C1orf21: variants seen among roughly 807,000 people sequenced by gnomAD.
C1orf21 encodes chromosome 1 open reading frame 21, also known as uncharacterized protein C1orf21.
A neutral mutation model predicts 18.7 loss-of-function variants in C1orf21; 3 were observed. The observed-to-expected ratio is 0.16, with a 90% CI of 0.07 to 0.42. The LOEUF (loss-of-function observed/expected upper bound fraction) is 0.42. C1orf21 is among the 10% of genes least tolerant of loss of function. The pLI is 0.99. For synonymous variants in C1orf21, 41 were observed against 46.4 expected, an observed-to-expected ratio of 0.88 and a Z score of 0.47; for missense variants, 104 against 143.6, an observed-to-expected ratio of 0.72 and a Z score of 1.41.
intron 5 of C1orf21, among the ~76,000 whole-genome samples, chr1:184,618,296 CT>C (rs1311255007): frequency 6.6e-6 from 1 of 151,692 alleles, no homozygotes; most frequent in East Asian, 1.9e-4. Flanking sequence ...GATTTAATCA[CT>C]TTATTACTAT....
chr1:184,401,418 G>A (rs1387371530), intron 1 of C1orf21, among the ~76,000 whole-genome samples: 3 of 151,868 alleles, frequency 2.0e-5, no homozygotes, highest in Non-Finnish European at 4.4e-5. Flanking sequence ...ACGGGGTTTC[G>A]CCACGCAGCC....
intron 1 of C1orf21, among the ~76,000 whole-genome samples, chr1:184,438,082 G>C (rs1171904614): frequency 6.6e-6 from 1 of 152,100 alleles, no homozygotes; most frequent in Non-Finnish European, 1.5e-5. Flanking sequence ...TGTGGGGCTT[G>C]GTTCCTAACA....
chr1:184,491,021 A>G (rs932170829), intron 2 of C1orf21, among the ~76,000 whole-genome samples: 2 of 152,110 alleles, frequency 1.3e-5, no homozygotes, highest in East Asian at 3.9e-4. Context: ...TTAATTTGGG[A>G]ACCAAACTGA....
intron 4 of C1orf21, among the ~76,000 whole-genome samples, chr1:184,591,103 G>A (rs1320843075): frequency 6.6e-6 from 1 of 152,112 alleles, no homozygotes; most frequent in Non-Finnish European, 1.5e-5. Context: ...TTATATCAGG[G>A]ATTTGAGAAT....
intron 1 of C1orf21, among the ~76,000 whole-genome samples, chr1:184,436,209 G>T (rs967745679): frequency 5.9e-5 from 9 of 152,204 alleles, no homozygotes; most frequent in Admixed American, 2.6e-4. Context: ...GTTACAACTT[G>T]TTGGAGGAAG....
intron 5 of C1orf21, among the ~76,000 whole-genome samples, chr1:184,611,086 C>T (rs980438533): frequency 1.3e-4 from 20 of 152,108 alleles, no homozygotes; most frequent in African/African-American, 4.6e-4. Flanking sequence ...TCATTACAAA[C>T]GAGACCTTTT....
chr1:184,556,523 G>A (rs745775406), intron 3 of C1orf21, among the ~76,000 whole-genome samples: 3 of 152,112 alleles, frequency 2.0e-5, no homozygotes, highest in Admixed American at 6.5e-5. Context: ...ACACAAAACA[G>A]GAAGGAAGGA....
rs1214308180 is a variant in C1orf21, at chr1:184,628,952, T to C, written c.*9396T>C. On this transcript the variant is annotated 3_prime_UTR_variant, in exon 6 of 6. Coordinates refer to ENST00000235307, the MANE Select transcript of C1orf21 (RefSeq NM_030806.4). Reference sequence around the variant, plus strand: ...AGGTCTAATTATATATACATATTTATACATGTGTATTTTTGTTTATTGTTA... The same window carrying C: ...AGGTCTAATTATATATACATATTTACACATGTGTATTTTTGTTTATTGTTA... 2 of 152,666 alleles carry C rather than the reference T, an allele frequency of 1.3e-5. No individual in the cohort carries two copies. Among genetic ancestry groups the C allele is most frequent in the Non-Finnish European group, 2.9e-5 (2 of 68,044 alleles). 9.5% of individuals were successfully genotyped at this position (152,666 alleles called of 1,614,324 possible).
At chr1:184,452,044 G>C (rs1657131725) in intron 1 of C1orf21, among the ~76,000 whole-genome samples, 4 of 152,214 alleles carry the variant, frequency 2.6e-5, no homozygotes, top group Admixed American at 2.0e-4. Flanking sequence ...GAAATCACAA[G>C]TCCAAGCCAA....
intron 3 of C1orf21, among the ~76,000 whole-genome samples, chr1:184,551,712 G>A (rs547572663): frequency 6.6e-6 from 1 of 152,256 alleles, no homozygotes; most frequent in Admixed American, 6.5e-5. Context: ...TGGACAGAAA[G>A]GGGCTTTGGG....
At chr1:184,453,285 C>T (rs1208809597) in intron 1 of C1orf21, among the ~76,000 whole-genome samples, 1 of 152,168 alleles carries the variant, frequency 6.6e-6, no homozygotes, top group Admixed American at 6.5e-5. Context: ...TGCATCCTTG[C>T]GGTCCCAGGT....
chr1:184,550,234 G>A (rs868799949), intron 3 of C1orf21, among the ~76,000 whole-genome samples: 2 of 152,192 alleles, frequency 1.3e-5, no homozygotes, highest in Non-Finnish European at 2.9e-5. Context: ...ATCAAGGAAC[G>A]CATGTAGTGC....
intron 1 of C1orf21, among the ~76,000 whole-genome samples, chr1:184,470,737 G>A (rs1187077635): frequency 1.3e-5 from 2 of 152,082 alleles, no homozygotes; most frequent in African/African-American, 4.8e-5. Context: ...AAATGATCCG[G>A]GCATGGTGGC....
intron 1 of C1orf21, among the ~76,000 whole-genome samples, chr1:184,430,647 C>T (rs1292720522): frequency 6.6e-6 from 1 of 152,170 alleles, no homozygotes; most frequent in Admixed American, 6.5e-5. Flanking sequence ...CCTGTTAATT[C>T]AAGCACACAC....
intron 2 of C1orf21, among the ~76,000 whole-genome samples, chr1:184,485,265 A>G (rs1265427235): frequency 6.6e-6 from 1 of 152,208 alleles, no homozygotes; most frequent in Non-Finnish European, 1.5e-5. Context: ...GTTTCATATT[A>G]AATGAATATT....
chr1:184,392,445 G>T (rs1336976850), intron 1 of C1orf21, among the ~76,000 whole-genome samples: 1 of 152,190 alleles, frequency 6.6e-6, no homozygotes, highest in African/African-American at 2.4e-5. Context: ...CAAAAGATGG[G>T]AGGATGGGAG....
At chr1:184,406,299 A>G (rs1228788897) in intron 1 of C1orf21, among the ~76,000 whole-genome samples, 3 of 152,260 alleles carry the variant, frequency 2.0e-5, no homozygotes, top group African/African-American at 4.8e-5. Context: ...GTTAAATTAT[A>G]TAACAACAAT....
chr1:184,579,995 ACT>A (rs1468714100), intron 3 of C1orf21, among the ~76,000 whole-genome samples: 5 of 151,984 alleles, frequency 3.3e-5, no homozygotes, highest in Non-Finnish European at 7.4e-5. Context: ...GTGGAGAAGG[ACT>A]CTCTGGTGAA....
chr1:184,388,839 G>A (rs1052299727), intron 1 of C1orf21, among the ~76,000 whole-genome samples: 1 of 152,132 alleles, frequency 6.6e-6, no homozygotes. Flanking sequence ...ACTGTTGTGG[G>A]GAGAAGGTGA....
Sources: gnomAD v4.1 joint callset for allele counts (sites outside exome capture counted in the v4.1 genomes callset) on GRCh38, gnomAD v4.1.1 for gene constraint, MANE v1.5 for transcripts, NCBI Gene and HGNC (gene_info 2026-07-23, HGNC 2026-07-21) for gene names.